Variants in SMG1 observed in about 807,000 individuals in gnomAD.
The protein encoded by SMG1 is SMG1 nonsense mediated mRNA decay associated PI3K related kinase, also known as serine/threonine-protein kinase SMG1.
A neutral mutation model predicts 419.9 loss-of-function variants in SMG1; 22 were observed. That is an observed-to-expected ratio of 0.05 (90% CI 0.04 to 0.07). The LOEUF is 0.07. SMG1 is among the 10% of genes least tolerant of loss of function. The pLI is 1.00. For synonymous variants in SMG1, 1,538 were observed against 1,553.5 expected, an observed-to-expected ratio of 0.99 and a Z score of 0.23; for missense variants, 3,185 against 4,342.0, an observed-to-expected ratio of 0.73 and a Z score of 7.49.
Position 18,836,207 on chromosome 16 carries a change from G to A in SMG1, c.7783C>T (p.Pro2595Ser), listed in dbSNP as rs753366259. 4 of 1,611,486 alleles carry A rather than the reference G, an allele frequency of 2.5e-6. No individual in the cohort carries two copies. Among genetic ancestry groups the A allele is most frequent in the Admixed American group, 3.4e-5 (2 of 59,694 alleles). Reference protein sequence around the residue: ...EISTQMDLGPPSYVPATAFLQ... With the variant: ...EISTQMDLGPSSYVPATAFLQ... ...AAGGCTGTTGCTGGCACGTAACTTG[G>A]AGGACCTTTTGGTAAAAGACATTAT... The change falls in exon 48 of 63, where the codon CCA (proline) becomes TCA (serine). Residue 2595 changes from proline to serine, a missense_variant. Physicochemically the swap from Pro to Ser is moderately conservative, Grantham distance 74. Transcript: ENST00000446231.
intron 9 of SMG1, 113 bp downstream of exon 9, chr16:18,883,957 C>G (rs1442393629): frequency 4.4e-6 from 2 of 450,708 alleles, no homozygotes; most frequent in South Asian, 5.1e-5. Flanking sequence ...TTGCAATGGG[C>G]ATGTAATTTC....
chr16:18,840,837 A>G (rs1293823210), intron 41 of SMG1, among the ~76,000 whole-genome samples: 1 of 152,220 alleles, frequency 6.6e-6, no homozygotes, highest in East Asian at 1.9e-4. Context: ...ACAACCACAC[A>G]TTCCCCCTCT....
At chr16:18,844,605 A>C (rs1443090747) in intron 39 of SMG1, among the ~76,000 whole-genome samples, 4 of 109,180 alleles carry the variant, frequency 3.7e-5, no homozygotes, top group African/African-American at 7.0e-5. Context: ...TTTTGGCAAG[A>C]ACACATAATA....
chr16:18,854,912 G>C lies in SMG1; in HGVS notation c.4235-8C>G, dbSNP rs1370603483. ...TAATTGGGACTGTTTGTTCTGAAGA[G>C]AGGAAAACGTTTTATTAGTTCCTAA... On this transcript the variant is annotated splice_polypyrimidine_tract_variant and splice_region_variant and intron_variant, in intron 29 of 62. Coordinates refer to ENST00000446231, the MANE Select transcript of SMG1 (RefSeq NM_015092.5). 6.2e-7 allele frequency: 1 copy of C among 1,608,184 alleles called. No individual in the cohort carries two copies. Among genetic ancestry groups the C allele is most frequent in the Non-Finnish European group, 8.5e-7 (1 of 1,177,888 alleles).
chr16:18,911,498 A>C (rs1359853800), intron 1 of SMG1: 2 of 151,962 alleles, frequency 1.3e-5, no homozygotes, highest in Non-Finnish European at 2.9e-5. Flanking sequence ...ACAGAGCGAG[A>C]CTCGTCTCAA....
At chr16:18,818,409 T>C (rs1221536988) in intron 56 of SMG1, among the ~76,000 whole-genome samples, 1 of 151,858 alleles carries the variant, frequency 6.6e-6, no homozygotes, top group East Asian at 1.9e-4. Context: ...AAAATTTTTT[T>C]TTTGGTAGAG....
chr16:18,842,251 G>C lies in SMG1; in HGVS notation c.6423C>G (p.Leu2141=). 6.2e-7 allele frequency: 1 copy of C among 1,613,970 alleles called. No homozygotes were observed. Among genetic ancestry groups the C allele is most frequent in the African/African-American group, 1.3e-5 (1 of 75,072 alleles). ...LPTKTKPKKL[L]FLGSDGKSYP... is the part of the protein sequence containing the mutation. ...AGCTCTTCCCATCTGATCCAAGAAA[G>C]AGAAGTTTCTTTGGCTTGGTTTTAG... Residue 2141 remains leucine (L), a synonymous_variant, in exon 40 of 63, where the codon CTC becomes CTG. Coordinates refer to ENST00000446231, the MANE Select transcript of SMG1 (RefSeq NM_015092.5).
chr16:18,845,703 T>TG lies in SMG1; in HGVS notation c.5997-53_5997-52insC, dbSNP rs2034220941. On this transcript the variant is annotated intron_variant, in intron 38 of 62. Transcript: ENST00000446231. ...AAACTTAAATGTGTACATTAAAGTT[T>TG]TACACAAACATGCAACAATTTCAAT... is the stretch of plus-strand genomic sequence containing the variant. The TG allele has an allele frequency of 5.0e-6, 7 of 1,388,204 alleles. No individual in the cohort carries two copies. In the Admixed American group the frequency reaches 5.6e-5, roughly 11 times the overall value. 86.0% of individuals were successfully genotyped at this position (1,388,204 alleles called of 1,614,324 possible).
intron 1 of SMG1, among the ~76,000 whole-genome samples, chr16:18,905,663 A>G (rs1366917058): frequency 1.4e-5 from 2 of 146,092 alleles, no homozygotes; most frequent in Non-Finnish European, 1.5e-5. Flanking sequence ...CCCAGGCTGG[A>G]GTATAGTGGT....
At chr16:18,815,344 A>G (rs1207694751) in intron 59 of SMG1, 63 bp from the exon 60 acceptor site, 2 of 1,547,886 alleles carry the variant, frequency 1.3e-6, no homozygotes, top group Non-Finnish European at 8.8e-7. Context: ...TTATAAAAAT[A>G]TGAACAAAAC....
chr16:18,877,478 TA>T (rs1392573172), intron 11 of SMG1: 4 of 346,516 alleles, frequency 1.2e-5, no homozygotes, highest in Non-Finnish European at 2.2e-5. Flanking sequence ...GGGTGGAACA[TA>T]AAAGATTTTT....
chr16:18,814,029 C>CAAAAAAAA (rs34998351), intron 60 of SMG1, among the ~76,000 whole-genome samples: 3 of 60,136 alleles, frequency 5.0e-5, no homozygotes, highest in Non-Finnish European at 6.0e-5. Flanking sequence ...AGACTCATCT[C>CAAAAAAAA]AAAAAAAAAA....
chr16:18,837,964 A>G (rs1171813179), intron 45 of SMG1, 50 bp downstream of exon 45: 15 of 1,564,880 alleles, frequency 9.6e-6, no homozygotes, highest in South Asian at 1.1e-5. Context: ...GAGCATGTTT[A>G]CTCTATTAAT....
At chr16:18,835,818 G>T in intron 48 of SMG1, 115 bp downstream of exon 48, 1 of 962,342 alleles carries the variant, frequency 1.0e-6, no homozygotes, top group Non-Finnish European at 1.5e-6. Flanking sequence ...GGAATTGCTT[G>T]AACCTCAGAG....
Position 18,902,844 on chromosome 16 carries a change from G to GTTGT in SMG1, c.93-5892_93-5889dup, listed in dbSNP as rs369377699. Among the ~76,000 whole-genome samples, 518 of 152,184 alleles carry GTTGT rather than the reference G, an allele frequency of 3.4e-3. 2 individuals are homozygous for GTTGT. Among genetic ancestry groups the GTTGT allele is most frequent in the African/African-American group, 0.012 (500 of 41,526 alleles). On this transcript the variant is annotated intron_variant, in intron 1 of 62. Coordinates refer to ENST00000446231, the MANE Select transcript of SMG1 (RefSeq NM_015092.5). ...TTAAATATACTGTAGCTCAAAAAAAGTTGTTTGTTTGTTTTGAAACAGGGT... is the reference window on the plus strand; with the variant it reads ...TTAAATATACTGTAGCTCAAAAAAAGTTGTTTGTTTGTTTGTTTTGAAACAGGGT...
chr16:18,899,014 G>A (rs1382998502), intron 1 of SMG1, among the ~76,000 whole-genome samples: 3 of 152,126 alleles, frequency 2.0e-5, no homozygotes. Context: ...GCTTAAATAA[G>A]ATAATGAATT....
intron 41 of SMG1, 148 bp from the exon 42 acceptor site, chr16:18,840,094 A>C (rs2141287476): frequency 1.5e-6 from 1 of 648,226 alleles, no homozygotes; most frequent in Non-Finnish European, 2.6e-6. Context: ...ATTAATACAA[A>C]ATAGCTAATT....
intron 1 of SMG1, among the ~76,000 whole-genome samples, chr16:18,903,934 C>CTTT (rs71141091): frequency 0.029 from 2,855 of 99,770 alleles, 200 homozygotes; most frequent in African/African-American, 0.086. Context: ...TATGTCTTGT[C>CTTT]TTTTTTTTTT....
chr16:18,892,774 A>G (rs2036941390), intron 3 of SMG1, among the ~76,000 whole-genome samples: 1 of 152,204 alleles, frequency 6.6e-6, no homozygotes, highest in African/African-American at 2.4e-5. Flanking sequence ...ACTGGTCAAT[A>G]AAAGCTCAGG....
Sources: allele counts gnomAD v4.1 joint callset (sites outside exome capture counted in the v4.1 genomes callset), GRCh38; gene constraint gnomAD v4.1.1; transcripts MANE v1.5; gene names NCBI Gene and HGNC (gene_info 2026-07-23, HGNC 2026-07-21).